SP6: variants seen among roughly 807,000 people sequenced by gnomAD.
The protein encoded by SP6 is Sp6 transcription factor, also known as transcription factor Sp6.
Under a neutral mutation model 23.4 loss-of-function variants are expected in SP6, and 10 were observed. The ratio of observed to expected loss-of-function variants is 0.43; its 90% CI spans 0.26 to 0.72. The LOEUF (loss-of-function observed/expected upper bound fraction) is 0.72. Ranked by LOEUF, SP6 falls within the 30% of genes least tolerant of loss-of-function variation. The pLI, the probability that SP6 is intolerant of heterozygous loss-of-function variation, is 0.23. For missense variants in SP6, 482 were observed against 523.8 expected (o/e 0.92, Z 0.78); for synonymous variants, 238 against 238.7 (o/e 1.00, Z 0.03).
Position 47,848,365 on chromosome 17 carries a change from G to C in SP6, c.65C>G (p.Pro22Arg). The change falls in exon 2 of 2, where the codon CCG (proline) becomes CGG (arginine). Residue 22 changes from proline to arginine, a missense_variant. Around this residue, in one of 3 missense-constraint regions of SP6, gnomAD observed 330 missense variants for 332.3 expected, o/e 0.99. Transcript: ENST00000536300. This position sits in a 1 kb window ranked among gnomAD's most constrained non-coding sequence, Gnocchi z 5.3. Reference sequence around the variant, plus strand: ...TTGGAGAGGCTGCAGGTCGAGGCGCGGCGGGGAGGCGTGCGGCGCTTCCGT... The same window carrying C: ...TTGGAGAGGCTGCAGGTCGAGGCGCCGCGGGGAGGCGTGCGGCGCTTCCGT... ...QHTEAPHASPPRLDLQPLQTY... is the reference protein window; with the variant it reads ...QHTEAPHASPRRLDLQPLQTY... The C allele has an allele frequency of 6.3e-7, 1 of 1,584,290 alleles. No individual in the cohort carries two copies. Among genetic ancestry groups the C allele is most frequent in the Non-Finnish European group, 8.6e-7 (1 of 1,165,544 alleles).
At chr17:47,859,429 T>C (rs1014965331), upstream of SP6, among the ~76,000 whole-genome samples, 3 of 152,250 alleles carry the variant, frequency 2.0e-5, no homozygotes. Context: ...TCAGCACTTA[T>C]TGCCTCATGC....
At chr17:47,865,703 A>G in the SP6 span, among the ~76,000 whole-genome samples, 2 of 152,088 alleles carry the variant, frequency 1.3e-5, no homozygotes, top group African/African-American at 4.8e-5. Flanking sequence ...CCTTTATGAC[A>G]CTGGGTTGCT....
At chr17:47,853,698 G>T (rs8066161), upstream of SP6, among the ~76,000 whole-genome samples, 2 of 152,028 alleles carry the variant, frequency 1.3e-5, no homozygotes, top group Admixed American at 6.6e-5. Flanking sequence ...GCCCTGCCCC[G>T]ATCCAACCAG....
the SP6 span, among the ~76,000 whole-genome samples, chr17:47,873,390 C>A: frequency 2.6e-5 from 4 of 152,324 alleles, no homozygotes; most frequent in East Asian, 1.9e-4. Flanking sequence ...GATTAAGGTA[C>A]TTTCCCCTGC....
chr17:47,857,818 G>C (rs1005892513), upstream of SP6, among the ~76,000 whole-genome samples: 64 of 152,274 alleles, frequency 4.2e-4, 1 homozygote, highest in Admixed American at 4.1e-3. Flanking sequence ...AGCCAGAAGA[G>C]GGGAGGGGGC....
At chr17:47,857,759 AG>A (rs1598065135), upstream of SP6, among the ~76,000 whole-genome samples, 1 of 152,128 alleles carries the variant, frequency 6.6e-6, no homozygotes, top group Non-Finnish European at 1.5e-5. Context: ...TGCGGCCTGT[AG>A]CTTGGAGTGG....
At chr17:47,872,425 C>T in the SP6 span, among the ~76,000 whole-genome samples, 1 of 152,132 alleles carries the variant, frequency 6.6e-6, no homozygotes, top group African/African-American at 2.4e-5. Flanking sequence ...GAGGGGAGTT[C>T]CCTGCGTCTG....
the SP6 span, chr17:47,863,564 C>CTTTTTTTTTTTTTT: frequency 1.8e-3 from 147 of 80,052 alleles, 7 homozygotes; most frequent in Non-Finnish European, 2.6e-3. Flanking sequence ...TGGACTTCTT[C>CTTTTTTTTTTTTTT]TTCTTTTTTT....
chr17:47,853,754 C>T (rs189468010), upstream of SP6, among the ~76,000 whole-genome samples: 134 of 152,330 alleles, frequency 8.8e-4, no homozygotes, highest in Non-Finnish European at 1.5e-3. Context: ...CTCCATCTGC[C>T]TGCAGCTCAT....
Position 47,847,441 on chromosome 17 carries a change from G to T in SP6, c.989C>A (p.Ala330Asp). 1.9e-6 allele frequency: 3 copies of T among 1,613,732 alleles called. No individual in the cohort carries two copies. Among genetic ancestry groups the T allele is most frequent in the Non-Finnish European group, 2.5e-6 (3 of 1,179,904 alleles). The change falls in exon 2 of 2, where the codon GCC becomes GAC. Residue 330 changes from alanine (A) to aspartate (D), a missense_variant. Physicochemically the swap from Ala to Asp is moderately radical, Grantham distance 126. Around this residue, in one of 3 missense-constraint regions of SP6, gnomAD observed 101 missense variants for 99.3 expected, o/e 1.02. Coordinates refer to ENST00000536300, the MANE Select transcript of SP6 (RefSeq NM_001258248.2). ...GCCCTCGTGGGTTTTCATGTGCTTGGCCAGGTGGTCGCTGCGCATGAAGAC... is the reference window on the plus strand; with the variant it reads ...GCCCTCGTGGGTTTTCATGTGCTTGTCCAGGTGGTCGCTGCGCATGAAGAC... The part of the protein sequence containing the change: ...SRVFMRSDHL[A>D]KHMKTHEGAK...
In SP6 at chr17:47,846,400, C is replaced by A. The variant is rs2033885194; in HGVS notation, c.*899G>T. 6.6e-6 allele frequency: 1 copy of A among 152,190 alleles called. No individual in the cohort carries two copies. The highest frequency in any genetic ancestry group is 2.4e-5 in the African/African-American group (1 of 41,402). 9.4% of individuals were successfully genotyped at this position (152,190 alleles called of 1,614,324 possible). On this transcript the variant is annotated 3_prime_UTR_variant, in exon 2 of 2. Transcript: ENST00000536300. ...ACTACATGGATTCTACCGCTGGCTGCCTTGAAAACACACCTAGGGTAATAG... is the reference window on the plus strand; with the variant it reads ...ACTACATGGATTCTACCGCTGGCTGACTTGAAAACACACCTAGGGTAATAG...
chr17:47,854,465 G>A (rs909579562), upstream of SP6, among the ~76,000 whole-genome samples: 1 of 152,200 alleles, frequency 6.6e-6, no homozygotes, highest in Non-Finnish European at 1.5e-5. Context: ...TCCAAAGCCT[G>A]TATTCTGCCT....
upstream of SP6, among the ~76,000 whole-genome samples, chr17:47,860,296 C>T (rs2034026401): frequency 6.6e-6 from 1 of 152,190 alleles, no homozygotes; most frequent in South Asian, 2.1e-4. Flanking sequence ...AAAGCCTTCT[C>T]CAGTTTTTCA....
chr17:47,848,337 A>C lies in SP6; in HGVS notation c.93T>G (p.Thr31=). 6.2e-7 allele frequency: 1 copy of C among 1,607,934 alleles called. No individual in the cohort carries two copies. Among genetic ancestry groups the C allele is most frequent in the South Asian group, 1.1e-5 (1 of 90,206 alleles). ...CCTCAGGGCTCGTGTGGCCCTGGTAAGTTTGGAGAGGCTGCAGGTCGAGGC... is the reference window on the plus strand; with the variant it reads ...CCTCAGGGCTCGTGTGGCCCTGGTACGTTTGGAGAGGCTGCAGGTCGAGGC... ...PPRLDLQPLQ[T]YQGHTSPEAG... The change falls in exon 2 of 2, where the codon ACT becomes ACG. Residue 31 remains threonine (T), a synonymous_variant. Coordinates refer to ENST00000536300, the MANE Select transcript of SP6 (RefSeq NM_001258248.2). The surrounding 1 kb of genome is among the most constrained non-coding windows in gnomAD (Gnocchi z 5.3).
At chr17:47,855,242 G>A (rs1361214370), upstream of SP6, among the ~76,000 whole-genome samples, 1 of 152,112 alleles carries the variant, frequency 6.6e-6, no homozygotes, top group African/African-American at 2.4e-5. Flanking sequence ...GTGTACCTGT[G>A]GGCTTGAGTG....
At chr17:47,867,205 G>A in the SP6 span, among the ~76,000 whole-genome samples, 88 of 152,266 alleles carry the variant, frequency 5.8e-4, 1 homozygote, top group Middle Eastern at 3.4e-3. Context: ...GAGATAAGTC[G>A]GTTAGATGCC....
rs2033924331 is a variant in SP6, at chr17:47,848,721, C to T, written c.-57-235G>A. ...CTCTGGGTGATCCCTGCCGTATGAC[C>T]CAGCTCATCCCTAGAGTTGGGCCAC... On this transcript the variant is annotated intron_variant, in intron 1 of 1. Transcript: ENST00000536300. The surrounding 1 kb of genome is among the most constrained non-coding windows in gnomAD (Gnocchi z 5.3). Among the ~76,000 whole-genome samples, 1 of 152,064 alleles carries T rather than the reference C, an allele frequency of 6.6e-6. No individual in the cohort carries two copies. Among genetic ancestry groups the T allele is most frequent in the African/African-American group, 2.4e-5 (1 of 41,386 alleles).
At chr17:47,851,846 C>T (rs1447058554), upstream of SP6, among the ~76,000 whole-genome samples, 3 of 151,654 alleles carry the variant, frequency 2.0e-5, no homozygotes, top group Non-Finnish European at 4.4e-5. Context: ...CACCTCCTCT[C>T]CTCCCCTCTC....
chr17:47,872,360 G>T, the SP6 span, among the ~76,000 whole-genome samples: 118 of 152,202 alleles, frequency 7.8e-4, 1 homozygote, highest in African/African-American at 2.6e-3. Flanking sequence ...GCTTGCAGGC[G>T]TGTTGGGGGA....
Sources: gnomAD v4.1 joint callset for allele counts (sites outside exome capture counted in the v4.1 genomes callset) on GRCh38, gnomAD v4.1.1 for gene constraint, gnomAD v4.1.1 regional missense constraint, Gnocchi (gnomAD v3.1) non-coding constraint, MANE v1.5 for transcripts, NCBI Gene and HGNC (gene_info 2026-07-23, HGNC 2026-07-21) for gene names.